SLC24A5: variants seen among roughly 807,000 people sequenced by gnomAD.
SLC24A5 encodes the protein solute carrier family 24 member 5, also known as sodium/potassium/calcium exchanger 5.
A neutral mutation model predicts 51.6 loss-of-function variants in SLC24A5; 46 were observed. That is an observed-to-expected ratio of 0.89 (90% confidence interval 0.70 to 1.14). The LOEUF (loss-of-function observed/expected upper bound fraction) is 1.14. Among genes scored for constraint, SLC24A5 ranks in the 50% most tolerant of loss-of-function variants. The probability of loss-of-function intolerance (pLI) is 0.00; values close to 1 mark genes in which losing one functional copy is unlikely to be tolerated. For missense variants in SLC24A5, 581 were observed against 604.1 expected, an observed-to-expected ratio of 0.96 and a Z score of 0.40; for synonymous variants, 230 against 214.9, an observed-to-expected ratio of 1.07 and a Z score of -0.62.
Position 48,136,811 on chromosome 15 carries a change from A to G in SLC24A5, c.719A>G (p.Glu240Gly). Residue 240 changes from glutamate to glycine, a missense_variant, in exon 6 of 9, where the codon GAG (glutamate) becomes GGG (glycine). Transcript: ENST00000341459. The part of the protein sequence containing the change: ...PCCACLAKAM[E>G]RSEQQPLMGW... Reference sequence around the variant, plus strand: ...TGCGCCTGTCTTGCCAAAGCTATGGAGAGAAGTGAACAACAGCCACTGATG... The same window carrying G: ...TGCGCCTGTCTTGCCAAAGCTATGGGGAGAAGTGAACAACAGCCACTGATG... 6.2e-7 allele frequency: 1 copy of G among 1,613,858 alleles called. No individual in the cohort carries two copies. The highest frequency in any genetic ancestry group is 1.6e-4 in the Middle Eastern group (1 of 6,062).
intron 2 of SLC24A5, 64 bp from the exon 3 acceptor site, chr15:48,134,194 G>A (rs2038838416): frequency 7.5e-7 from 1 of 1,328,284 alleles, no homozygotes; most frequent in South Asian, 1.2e-5. Context: ...TATCTATTGT[G>A]TTTAGTTGTA....
At chr15:48,123,656 G>A (rs2038702339) in intron 2 of SLC24A5, 1 of 152,090 alleles carries the variant, frequency 6.6e-6, no homozygotes, top group Admixed American at 6.5e-5. Context: ...AGTTTTTTGT[G>A]TTAATGTCAT....
At chr15:48,138,334 T>G (rs899833471) in intron 6 of SLC24A5, 3 of 152,032 alleles carry the variant, frequency 2.0e-5, no homozygotes, top group Non-Finnish European at 4.4e-5. Context: ...TTAAATTGAA[T>G]AAAGAAATAT....
At chr15:48,141,934 A>G (rs1006777930) in intron 8 of SLC24A5, 95 bp from the exon 9 acceptor site, 140 of 962,538 alleles carry the variant, frequency 1.5e-4, no homozygotes, top group Non-Finnish European at 2.0e-4. Context: ...ACGAATCAAC[A>G]ACAAAAAAGT....
In SLC24A5 at chr15:48,142,428, C is replaced by A; in HGVS notation, c.*77C>A. The A allele has an allele frequency of 3.6e-6, 4 of 1,118,642 alleles. No homozygotes were observed. Among genetic ancestry groups the A allele is most frequent in the South Asian group, 2.1e-5 (1 of 47,046 alleles). The allele number at this position is 1,118,642 out of a possible 1,614,324, so 69.3% of individuals were successfully genotyped here. A position where few individuals can be genotyped will look rare whatever the true frequency, so the allele number is the denominator to read the frequency against. On this transcript the variant is annotated 3_prime_UTR_variant, in exon 9 of 9. Transcript: ENST00000341459. ...GAAAAATCCATTTCTTCATTTAAAT[C>A]AAATTTTAAAAATCTTGAACCTTAG...
chr15:48,132,261 A>ACCTTC (rs2038797913), intron 2 of SLC24A5, among the ~76,000 whole-genome samples: 1 of 152,066 alleles, frequency 6.6e-6, no homozygotes, highest in Non-Finnish European at 1.5e-5. Context: ...GTCTTTAGTT[A>ACCTTC]CCTTCTCAAT....
At chr15:48,140,003 G>C (rs772536925) in intron 7 of SLC24A5, 1 of 151,786 alleles carries the variant, frequency 6.6e-6, no homozygotes, top group Non-Finnish European at 1.5e-5. Context: ...GCCCCTCACA[G>C]ACACAAAAAT....
intron 2 of SLC24A5, chr15:48,124,704 G>A (rs907288096): frequency 2.0e-5 from 3 of 152,152 alleles, no homozygotes; most frequent in Middle Eastern, 3.2e-3. Flanking sequence ...GACTTAATAT[G>A]TCTAAGTGAC....
At chr15:48,129,883 G>T (rs1239461669) in intron 2 of SLC24A5, among the ~76,000 whole-genome samples, 9 of 152,028 alleles carry the variant, frequency 5.9e-5, no homozygotes, top group Non-Finnish European at 1.2e-4. Flanking sequence ...GCAAAATGAG[G>T]CTTGTCTAAA....
In SLC24A5 at chr15:48,138,999, C is replaced by T; in HGVS notation, c.902C>T (p.Ala301Val). 1 of 1,612,768 alleles carries T rather than the reference C, an allele frequency of 6.2e-7. No individual in the cohort carries two copies. Among genetic ancestry groups the T allele is most frequent in the Middle Eastern group, 1.7e-4 (1 of 6,052 alleles). The change falls in exon 7 of 9, where the codon GCA (alanine) becomes GTA (valine). Residue 301 changes from alanine (A) to valine (V), a missense_variant. Transcript: ENST00000341459. ...DPPSVFNMPE[A>V]DLKRIFWVLS... is the part of the protein sequence containing the mutation. ...CCAAGTGTTTTCAACATGCCTGAAG[C>T]AGACTTAAAAAGAATTTTTTGGGTA...
Position 48,125,136 on chromosome 15 carries a change from G to T in SLC24A5, c.301+3100G>T, listed in dbSNP as rs74011907. ...GAGTCATAATAGTTCCACCCATTTT[G>T]TCAACTAATAGTTATCAACATAACC... is the stretch of plus-strand genomic sequence containing the variant. On this transcript the variant is annotated intron_variant, in intron 2 of 8. Transcript: ENST00000341459. 3.5e-3 allele frequency among the ~76,000 whole-genome samples: 528 copies of T among 152,018 alleles called. 1 individual carries two copies. The highest frequency in any genetic ancestry group is 0.013 in the African/African-American group (521 of 41,494).
At chr15:48,122,427 A>G (rs2038689627) in intron 2 of SLC24A5, 1 of 294,408 alleles carries the variant, frequency 3.4e-6, no homozygotes, top group Non-Finnish European at 6.2e-6. Context: ...TTTTTACTCT[A>G]AGCTCGCTAT....
intron 7 of SLC24A5, chr15:48,139,656 G>C (rs528964768): frequency 6.6e-6 from 1 of 152,596 alleles, no homozygotes; most frequent in East Asian, 1.9e-4. Flanking sequence ...ATTATGAAAT[G>C]AGTGAAAAGG....
At chr15:48,124,228 T>G (rs1209518079) in intron 2 of SLC24A5, 1 of 152,118 alleles carries the variant, frequency 6.6e-6, no homozygotes, top group African/African-American at 2.4e-5. Context: ...TCATCATATT[T>G]TATTCTACAT....
Position 48,136,860 on chromosome 15 carries a change from A to G in SLC24A5, c.768A>G (p.Pro256=). ...PLMGWEDEGQ[P]FIRRQSRTDS... is the part of the protein sequence containing the mutation. ...TGGGCTGGGAAGATGAAGGTCAACC[A>G]TTCATTCGTCGGCAATCAAGAACTG... Residue 256 remains proline (P), a synonymous_variant, in exon 6 of 9, where the codon CCA becomes CCG. Coordinates refer to ENST00000341459, the MANE Select transcript of SLC24A5 (RefSeq NM_205850.3). The G allele has an allele frequency of 6.2e-7, 1 of 1,613,842 alleles. No homozygotes were observed. Among genetic ancestry groups the G allele is most frequent in the Non-Finnish European group, 8.5e-7 (1 of 1,179,806 alleles).
chr15:48,132,040 CA>C (rs2038795613), intron 2 of SLC24A5, among the ~76,000 whole-genome samples: 2 of 152,090 alleles, frequency 1.3e-5, no homozygotes, highest in African/African-American at 4.8e-5. Flanking sequence ...AAATGAAAGC[CA>C]AAGTCCTTAT....
chr15:48,132,838 C>A (rs1316677759), intron 2 of SLC24A5, among the ~76,000 whole-genome samples: 1 of 152,056 alleles, frequency 6.6e-6, no homozygotes, highest in Non-Finnish European at 1.5e-5. Flanking sequence ...CAGGACTTAC[C>A]ATGTCGTAGC....
rs779998906 is a variant in SLC24A5, at chr15:48,142,348, T to C, written c.1500T>C (p.Gly500=). The change falls in exon 9 of 9, where the codon GGT becomes GGC. Residue 500 remains glycine, a synonymous_variant. Coordinates refer to ENST00000341459, the MANE Select transcript of SLC24A5 (RefSeq NM_205850.3). ...IGNNKIRGCG[G] is the part of the protein sequence containing the mutation. ...ATAATAAAATAAGGGGCTGTGGAGG[T>C]TGATATTATTAATAGTGTTATGCAG... 41 of 1,581,402 alleles carry C rather than the reference T, an allele frequency of 2.6e-5. No individual in the cohort carries two copies. The highest frequency in any genetic ancestry group is 3.2e-5 in the Non-Finnish European group (37 of 1,160,226).
intron 2 of SLC24A5, among the ~76,000 whole-genome samples, chr15:48,133,413 T>C (rs189357271): frequency 2.6e-5 from 4 of 152,224 alleles, no homozygotes; most frequent in Non-Finnish European, 4.4e-5. Flanking sequence ...GGCCCTAAAA[T>C]TGAAAGGACA....
Sources: gnomAD v4.1 joint callset for allele counts (sites outside exome capture counted in the v4.1 genomes callset) on GRCh38, gnomAD v4.1.1 for gene constraint, MANE v1.5 for transcripts, NCBI Gene and HGNC (gene_info 2026-07-23, HGNC 2026-07-21) for gene names.